Variants in MLLT10 observed in about 807,000 individuals in gnomAD.
The protein encoded by MLLT10 is MLLT10 histone lysine methyltransferase DOT1L cofactor.
Under a neutral mutation model 129.1 loss-of-function variants are expected in MLLT10, and 30 were observed. That is an observed-to-expected ratio of 0.23 (90% CI 0.17 to 0.32). The LOEUF is 0.32. Among genes scored for constraint, MLLT10 ranks in the 10% least tolerant of loss-of-function variants. MLLT10 has a pLI of 1.00. For synonymous variants in MLLT10, 490 were observed against 446.4 expected (o/e 1.10, Z -1.23); for missense variants, 1,119 against 1,268.3 (o/e 0.88, Z 1.79).
intron 3 of MLLT10, among the ~76,000 whole-genome samples, chr10:21,575,901 C>G (rs2040682119): frequency 6.6e-6 from 1 of 152,012 alleles, no homozygotes. Flanking sequence ...TGTAGCCACT[C>G]ACCATCTTTT....
intron 7 of MLLT10, 75 bp downstream of exon 7, chr10:21,614,999 A>G: frequency 8.0e-7 from 1 of 1,245,284 alleles, no homozygotes; most frequent in Middle Eastern, 1.9e-4. Flanking sequence ...TTTATTAAAA[A>G]AAGCATATAA....
intron 11 of MLLT10, among the ~76,000 whole-genome samples, chr10:21,680,817 C>T (rs1028770196): frequency 6.6e-6 from 1 of 151,968 alleles, no homozygotes; most frequent in Middle Eastern, 3.4e-3. Flanking sequence ...ACTAAAGATA[C>T]AAAAATTAGC....
intron 8 of MLLT10, chr10:21,625,627 C>T: frequency 1.3e-6 from 1 of 757,938 alleles, no homozygotes; most frequent in Admixed American, 1.7e-5. Context: ...TGACGTCCAC[C>T]AAACCCTCTG....
chr10:21,583,863 A>C (rs184567559), intron 3 of MLLT10, among the ~76,000 whole-genome samples: 1 of 152,002 alleles, frequency 6.6e-6, no homozygotes, highest in African/African-American at 2.4e-5. Flanking sequence ...AACTTTATCA[A>C]TAGGCTCAAT....
intron 9 of MLLT10, among the ~76,000 whole-genome samples, chr10:21,663,152 G>A (rs968054086): frequency 1.3e-5 from 2 of 152,160 alleles, no homozygotes; most frequent in African/African-American, 2.4e-5. Flanking sequence ...TTCACTCTGT[G>A]GGCCTGCTAG....
chr10:21,570,758 TATC>T (rs1250480416), intron 3 of MLLT10, among the ~76,000 whole-genome samples: 5 of 152,166 alleles, frequency 3.3e-5, no homozygotes, highest in Admixed American at 6.5e-5. Flanking sequence ...TCATATGAAA[TATC>T]ATCATAATTG....
intron 13 of MLLT10, among the ~76,000 whole-genome samples, chr10:21,708,063 C>T (rs1347496396): frequency 6.6e-6 from 1 of 152,090 alleles, no homozygotes; most frequent in Non-Finnish European, 1.5e-5. Context: ...TGCCTTGCTC[C>T]TTAAATTGTA....
At chr10:21,556,862 A>T in intron 3 of MLLT10, 5 of 1,551,294 alleles carry the variant, frequency 3.2e-6, no homozygotes, top group Non-Finnish European at 4.4e-6. Flanking sequence ...TCTAGTTTCC[A>T]GGGATATTCT....
intron 9 of MLLT10, 45 bp from the exon 10 acceptor site, chr10:21,670,404 A>G: frequency 6.5e-7 from 1 of 1,542,604 alleles, no homozygotes; most frequent in East Asian, 2.3e-5. Context: ...TGTAACTAAA[A>G]TGTAATCAAC....
chr10:21,543,974 C>G (rs1431918786), intron 3 of MLLT10, among the ~76,000 whole-genome samples: 1 of 152,092 alleles, frequency 6.6e-6, no homozygotes, highest in Admixed American at 6.5e-5. Context: ...TTCTTTCTGC[C>G]GACTTACTGT....
At chr10:21,625,793 T>TC (rs2046373101) in intron 8 of MLLT10, 1 of 768,286 alleles carries the variant, frequency 1.3e-6, no homozygotes, top group Non-Finnish European at 2.4e-6. Context: ...CTGTGCAGCT[T>TC]CCTTTCCACA....
intron 16 of MLLT10, among the ~76,000 whole-genome samples, chr10:21,728,363 C>A (rs2057683075): frequency 6.6e-6 from 1 of 152,128 alleles, no homozygotes; most frequent in Non-Finnish European, 1.5e-5. Context: ...CCTACTAGTT[C>A]TTAAATTGTT....
rs145618128 is a variant in MLLT10, at chr10:21,619,362, T to G, written c.699+2155T>G. Among the ~76,000 whole-genome samples, 24 of 152,316 alleles carry G rather than the reference T, an allele frequency of 1.6e-4. No homozygotes were observed. In the East Asian group the frequency reaches 3.9e-3, roughly 24 times the overall value. On this transcript the variant is annotated intron_variant, in intron 8 of 22. Transcript: ENST00000307729. ...TTCTGCCATTTCATGCATATTATCT[T>G]GTATAAAAAGCGCTTACTATATGAT...
chr10:21,671,536 C>T (rs1170486923), intron 10 of MLLT10, among the ~76,000 whole-genome samples: 1 of 151,886 alleles, frequency 6.6e-6, no homozygotes, highest in Non-Finnish European at 1.5e-5. Flanking sequence ...GCCTGTAATC[C>T]CAGTATTATG....
chr10:21,542,577 A>G (rs535603199), intron 3 of MLLT10, among the ~76,000 whole-genome samples: 14 of 152,242 alleles, frequency 9.2e-5, no homozygotes, highest in African/African-American at 3.1e-4. Context: ...TCAAAAAAAT[A>G]TATATATATT....
intron 5 of MLLT10, among the ~76,000 whole-genome samples, chr10:21,605,907 C>G (rs185843186): frequency 6.6e-6 from 1 of 152,014 alleles, no homozygotes; most frequent in Admixed American, 6.5e-5. Context: ...TATTGTACTT[C>G]ACAGGAAATT....
chr10:21,689,172 T>C (rs749262975), intron 13 of MLLT10, among the ~76,000 whole-genome samples: 1 of 152,128 alleles, frequency 6.6e-6, no homozygotes, highest in African/African-American at 2.4e-5. Flanking sequence ...AGGTTCTTTC[T>C]TTATGTCTAT....
intron 14 of MLLT10, 109 bp from the exon 15 acceptor site, chr10:21,726,135 T>C: frequency 1.4e-6 from 1 of 719,218 alleles, no homozygotes; most frequent in Admixed American, 2.8e-5. Flanking sequence ...TCACAAATTT[T>C]GCTTATATTC....
At chr10:21,535,108 A>G (rs1162334985) in intron 2 of MLLT10, among the ~76,000 whole-genome samples, 2 of 82,620 alleles carry the variant, frequency 2.4e-5, no homozygotes, top group East Asian at 3.8e-4. Flanking sequence ...CGCCCTCGAG[A>G]TCTGGGCCGG....
Sources: allele counts gnomAD v4.1 joint callset (sites outside exome capture counted in the v4.1 genomes callset), GRCh38; gene constraint gnomAD v4.1.1; transcripts MANE v1.5; gene names NCBI Gene and HGNC (gene_info 2026-07-23, HGNC 2026-07-21).